The following CDH11 variants were observed in gnomAD, a reference collection of about 807,000 sequenced individuals.
The protein encoded by CDH11 is cadherin-11.
In CDH11, 11 loss-of-function variants were observed where a neutral mutation model predicts 67.8. The observed-to-expected ratio is 0.16, with a 90% CI of 0.10 to 0.27. The LOEUF (loss-of-function observed/expected upper bound fraction) is 0.27. Ranked by LOEUF, CDH11 falls within the 10% of genes least tolerant of loss-of-function variation. The pLI is 1.00. For synonymous variants in CDH11, 419 were observed against 400.0 expected, an observed-to-expected ratio of 1.05 and a Z score of -0.57; for missense variants, 847 against 1,031.2, an observed-to-expected ratio of 0.82 and a Z score of 2.45.
intron 3 of CDH11, among the ~76,000 whole-genome samples, chr16:65,004,297 C>T (rs546659936): frequency 1.3e-5 from 2 of 152,178 alleles, no homozygotes; most frequent in South Asian, 4.1e-4. Context: ...CCCTTGAGCC[C>T]AGGAGTTTGA....
intron 8 of CDH11, among the ~76,000 whole-genome samples, chr16:64,980,440 G>T (rs1303561200): frequency 2.6e-5 from 4 of 152,116 alleles, no homozygotes; most frequent in Non-Finnish European, 4.4e-5. Flanking sequence ...CAAGAGGAAG[G>T]ACATCCGATA....
intron 1 of CDH11, among the ~76,000 whole-genome samples, chr16:65,093,618 C>T (rs146102800): frequency 1.9e-3 from 293 of 152,192 alleles, no homozygotes; most frequent in Middle Eastern, 3.4e-3. Context: ...AATATACACA[C>T]GCGTACACAG....
At chr16:65,074,834 T>C (rs2074481738) in intron 1 of CDH11, among the ~76,000 whole-genome samples, 1 of 152,198 alleles carries the variant, frequency 6.6e-6, no homozygotes, top group Non-Finnish European at 1.5e-5. Flanking sequence ...CTAATTATTA[T>C]ACAGAACAAT....
intron 1 of CDH11, among the ~76,000 whole-genome samples, chr16:65,079,186 AAGTAGTGACTACT>A (rs977253760): frequency 8.5e-5 from 13 of 152,308 alleles, no homozygotes; most frequent in African/African-American, 3.1e-4. Flanking sequence ...TTTGCAATCT[AAGTAGTGACTACT>A]AGTAGACAGA....
chr16:64,958,843 T>C (rs180852498), intron 11 of CDH11, among the ~76,000 whole-genome samples: 30 of 152,292 alleles, frequency 2.0e-4, no homozygotes, highest in Admixed American at 1.8e-3. Context: ...CTAAGATTTT[T>C]TGTGGCAAAG....
At position 65,034,586 on chromosome 16, in the gene CDH11, T is replaced by C. The variant is rs140538580; in HGVS notation, c.-173+19218A>G. ...AACTGTGGGTAATAGTAGAGTACAC[T>C]TCTCCTTAGGTTGTTGGAAGGATTA... On this transcript the variant is annotated intron_variant, in intron 2 of 12. Transcript: ENST00000268603. Among the ~76,000 whole-genome samples, 917 of 152,348 alleles carry C rather than the reference T, an allele frequency of 6.0e-3. 18 individuals carry two copies. Among genetic ancestry groups the C allele is most frequent in the African/African-American group, 0.021 (875 of 41,584 alleles).
At position 64,972,059 on chromosome 16, in the gene CDH11, G is replaced by A. The variant is rs781127265; in HGVS notation, c.1396C>T (p.Arg466Trp). 36 of 1,613,116 alleles carry A rather than the reference G, an allele frequency of 2.2e-5. No individual in the cohort carries two copies. Among genetic ancestry groups the A allele is most frequent in the Admixed American group, 8.3e-5 (5 of 59,966 alleles). Residue 466 changes from arginine (R) to tryptophan (W), a missense_variant, in exon 10 of 13, where the codon CGG becomes TGG. This residue lies in a region of CDH11 where 612 missense variants were observed against 678.7 expected (regional missense o/e 0.90). Coordinates refer to ENST00000268603, the MANE Select transcript of CDH11 (RefSeq NM_001797.4). ...ACTGGGACTTTGGCTTCCTGATGCCGATTGTCTGGGAAGACAGAATGCAGA... is the reference window on the plus strand; with the variant it reads ...ACTGGGACTTTGGCTTCCTGATGCCAATTGTCTGGGAAGACAGAATGCAGA... ...ITVFAAEIHN[R>W]HQEAKVPVAI... is the part of the protein sequence containing the mutation.
chr16:65,016,104 C>T (rs1054481016), intron 2 of CDH11, among the ~76,000 whole-genome samples: 4 of 152,334 alleles, frequency 2.6e-5, no homozygotes, highest in Admixed American at 2.6e-4. Context: ...CACCAAACCA[C>T]TCCATCACAC....
intron 2 of CDH11, among the ~76,000 whole-genome samples, chr16:65,046,054 T>C (rs2073956805): frequency 6.6e-6 from 1 of 152,112 alleles, no homozygotes; most frequent in Admixed American, 6.6e-5. Flanking sequence ...CTGTTCGAAG[T>C]CCCTCTCACT....
chr16:65,113,120 T>C (rs1012481499), intron 1 of CDH11, among the ~76,000 whole-genome samples: 9 of 152,076 alleles, frequency 5.9e-5, no homozygotes, highest in Non-Finnish European at 1.3e-4. Context: ...ACCCCATCTC[T>C]ACTAAAAATA....
chr16:65,005,864 A>G (rs2073041739), intron 2 of CDH11, among the ~76,000 whole-genome samples: 1 of 152,196 alleles, frequency 6.6e-6, no homozygotes, highest in South Asian at 2.1e-4. Context: ...CAACCAGCCC[A>G]AGGTCATGTT....
chr16:65,050,689 G>GT (rs1031566785), intron 2 of CDH11, among the ~76,000 whole-genome samples: 3 of 151,574 alleles, frequency 2.0e-5, no homozygotes, highest in Non-Finnish European at 4.4e-5. Context: ...GTTTTGTTTT[G>GT]TTTTTTAAAG....
chr16:64,956,808 T>A, intron 11 of CDH11, among the ~76,000 whole-genome samples: 1 of 152,106 alleles, frequency 6.6e-6, no homozygotes, highest in Non-Finnish European at 1.5e-5. Context: ...CTAATAATGA[T>A]GATCTCCATG....
intron 1 of CDH11, among the ~76,000 whole-genome samples, chr16:65,055,739 T>A (rs575938829): frequency 6.7e-4 from 102 of 152,290 alleles, no homozygotes; most frequent in South Asian, 1.9e-3. Flanking sequence ...TGGTATAGAA[T>A]GAATGTATTT....
chr16:64,964,578 T>A (rs1479741018), intron 11 of CDH11, among the ~76,000 whole-genome samples: 1 of 152,036 alleles, frequency 6.6e-6, no homozygotes, highest in Non-Finnish European at 1.5e-5. Flanking sequence ...AGACGGAGTC[T>A]TGCTCTGTCA....
At chr16:65,101,637 T>C (rs936992940) in intron 1 of CDH11, among the ~76,000 whole-genome samples, 1 of 152,180 alleles carries the variant, frequency 6.6e-6, no homozygotes, top group Admixed American at 6.5e-5. Context: ...CATCTTCCCA[T>C]GAGCAGTGCT....
chr16:64,997,113 A>T (rs1399338017), intron 4 of CDH11, among the ~76,000 whole-genome samples: 1 of 151,962 alleles, frequency 6.6e-6, no homozygotes, highest in Non-Finnish European at 1.5e-5. Flanking sequence ...AGCCTGAACA[A>T]CATGTGAAAC....
chr16:65,054,182 T>C lies in CDH11; in HGVS notation c.-297-254A>G, dbSNP rs553957748. Among the ~76,000 whole-genome samples the C allele has an allele frequency of 2.0e-5, 3 of 152,292 alleles. No homozygotes were observed. The South Asian group carries it at 6.2e-4, about 32-fold the overall frequency. ...ACTTTGATGACAATGATAAAAGCAATCCTACACACAACTTCTTATAACATG... is the reference window on the plus strand; with the variant it reads ...ACTTTGATGACAATGATAAAAGCAACCCTACACACAACTTCTTATAACATG... On this transcript the variant is annotated intron_variant, in intron 1 of 12. Coordinates refer to ENST00000268603, the MANE Select transcript of CDH11 (RefSeq NM_001797.4).
chr16:65,102,689 T>C (rs544797700), intron 1 of CDH11, among the ~76,000 whole-genome samples: 1 of 152,232 alleles, frequency 6.6e-6, no homozygotes, highest in Non-Finnish European at 1.5e-5. Context: ...GAAGGGGCCA[T>C]GTGTTAGAGA....
Sources: gnomAD v4.1 joint callset for allele counts (sites outside exome capture counted in the v4.1 genomes callset) on GRCh38, gnomAD v4.1.1 for gene constraint, gnomAD v4.1.1 regional missense constraint, MANE v1.5 for transcripts, NCBI Gene and HGNC (gene_info 2026-07-23, HGNC 2026-07-21) for gene names.